The following MAPK8IP1 variants were observed in gnomAD, a reference collection of about 807,000 sequenced individuals.
The protein encoded by MAPK8IP1 is C-Jun-amino-terminal kinase-interacting protein 1.
Under a neutral mutation model 72.6 loss-of-function variants are expected in MAPK8IP1, and 17 were observed. The observed-to-expected ratio is 0.23, with a 90% CI of 0.16 to 0.35. The LOEUF is 0.35. MAPK8IP1 is among the 10% of genes least tolerant of loss of function. The probability of loss-of-function intolerance (pLI) is 1.00; values close to 1 mark genes in which losing one functional copy is unlikely to be tolerated. For missense variants in MAPK8IP1, 789 were observed against 1,009.7 expected (o/e 0.78, Z 2.96); for synonymous variants, 401 against 443.4 (o/e 0.90, Z 1.20).
At chr11:45,892,854 G>A (rs2086577354) in intron 1 of MAPK8IP1, among the ~76,000 whole-genome samples, 1 of 152,226 alleles carries the variant, frequency 6.6e-6, no homozygotes, top group Non-Finnish European at 1.5e-5. Context: ...TCATTACCTG[G>A]TGGAGAGTGG....
At chr11:45,889,968 G>A (rs1038006553) in intron 1 of MAPK8IP1, among the ~76,000 whole-genome samples, 3 of 152,204 alleles carry the variant, frequency 2.0e-5, no homozygotes, top group South Asian at 2.1e-4. Context: ...ACAGACAGAC[G>A]GCTTTACAGA....
rs201114008 is a variant in MAPK8IP1 at position 45,903,212 on chromosome 11, TG to T, written c.1417+35del. The T allele has an allele frequency of 1.9e-3, 2,522 of 1,334,466 alleles. 36 individuals are homozygous for T. In the African/African-American group the frequency reaches 0.032, roughly 17 times the overall value. The allele number at this position is 1,334,466 out of a possible 1,614,324, so 82.7% of individuals were successfully genotyped here. A position where few individuals can be genotyped will look rare whatever the true frequency, so the allele number is the denominator to read the frequency against. ...GAGTCAGCAAGGGGAAGCAGTGGGGTGGGGGGGTCCCTAGCGGGGGCAGAGC... is the reference window on the plus strand; with the variant it reads ...GAGTCAGCAAGGGGAAGCAGTGGGGTGGGGGGTCCCTAGCGGGGGCAGAGC... On this transcript the variant is annotated intron_variant, in intron 5 of 11. Transcript: ENST00000241014. This position sits in a 1 kb window ranked among gnomAD's most constrained non-coding sequence, Gnocchi z 6.4.
Position 45,900,055 on chromosome 11 carries a change from G to T in MAPK8IP1, c.208-83G>T, listed in dbSNP as rs1565073580. 3 of 903,408 alleles carry T rather than the reference G, an allele frequency of 3.3e-6. No homozygotes were observed. Among genetic ancestry groups the T allele is most frequent in the South Asian group, 1.1e-4 (2 of 18,270 alleles). The allele number at this position is 903,408 out of a possible 1,614,324, so 56.0% of individuals were successfully genotyped here. ...CGTGCCCCCTTCGCGCCACAGAATGGACTCGCCCGGGCGGGGGGCGGTGCA... is the reference window on the plus strand; with the variant it reads ...CGTGCCCCCTTCGCGCCACAGAATGTACTCGCCCGGGCGGGGGGCGGTGCA... On this transcript the variant is annotated intron_variant, in intron 2 of 11. Transcript: ENST00000241014. The surrounding 1 kb of genome is among the most constrained non-coding windows in gnomAD (Gnocchi z 6.5).
In MAPK8IP1 at chr11:45,903,460, TG is replaced by T. The variant is rs761216953; in HGVS notation, c.1493+23del. 6.2e-7 allele frequency: 1 copy of T among 1,604,096 alleles called. No homozygotes were observed. Among genetic ancestry groups the T allele is most frequent in the East Asian group, 2.2e-5 (1 of 44,548 alleles). ...ATTCAGGTGAGAGCCATGGGCTGGC[TG>T]GGCCTAGCCAGGCAGCAGTTTGGGC... On this transcript the variant is annotated intron_variant, in intron 6 of 11. Transcript: ENST00000241014. This position sits in a 1 kb window ranked among gnomAD's most constrained non-coding sequence, Gnocchi z 6.4.
In MAPK8IP1 at chr11:45,903,022, G is replaced by T. The variant is rs780805259; in HGVS notation, c.1255G>T (p.Val419Phe). Residue 419 changes from valine (V) to phenylalanine (F), a missense_variant, in exon 5 of 12, where the codon GTC becomes TTC. Physicochemically the swap from Val to Phe is conservative, Grantham distance 50 (BLOSUM62 -1). Coordinates refer to ENST00000241014, the MANE Select transcript of MAPK8IP1 (RefSeq NM_005456.4). The surrounding 1 kb of genome is among the most constrained non-coding windows in gnomAD (Gnocchi z 6.4). Reference sequence around the variant, plus strand: ...CACCGTCTATGACAACTGTGCCTCCGTCTCCTCGCCCTATGAGTCGGCCAT... The same window carrying T: ...CACCGTCTATGACAACTGTGCCTCCTTCTCCTCGCCCTATGAGTCGGCCAT... ...SATVYDNCAS[V>F]SSPYESAIGE... The T allele has an allele frequency of 5.0e-6, 8 of 1,611,594 alleles. No homozygotes were observed. The highest frequency in any genetic ancestry group is 6.8e-6 in the Non-Finnish European group (8 of 1,179,876).
Position 45,898,029 on chromosome 11 carries a change from G to T in MAPK8IP1, c.102-56G>T, listed in dbSNP as rs1264815105. On this transcript the variant is annotated intron_variant, in intron 1 of 11. Coordinates refer to ENST00000241014, the MANE Select transcript of MAPK8IP1 (RefSeq NM_005456.4). ...TGCACCCTGGAAGAGGTAACAGGGAGATGTGAGCAGGCATAGTGCCCCTGA... is the reference window on the plus strand; with the variant it reads ...TGCACCCTGGAAGAGGTAACAGGGATATGTGAGCAGGCATAGTGCCCCTGA... 3 of 1,036,062 alleles carry T rather than the reference G, an allele frequency of 2.9e-6. No individual in the cohort carries two copies. In the African/African-American group the frequency reaches 4.7e-5, roughly 16 times the overall value. The allele number at this position is 1,036,062 out of a possible 1,614,324, so 64.2% of individuals were successfully genotyped here.
chr11:45,896,452 C>A, intron 1 of MAPK8IP1: 1 of 879,394 alleles, frequency 1.1e-6, no homozygotes, highest in South Asian at 5.0e-5. Flanking sequence ...GGGAAACATC[C>A]TAGATTTCTG....
In MAPK8IP1 at chr11:45,902,883, C is replaced by A. The variant is rs756194695; in HGVS notation, c.1116C>A (p.Ser372Arg). The A allele has an allele frequency of 6.2e-6, 10 of 1,600,542 alleles. No individual in the cohort carries two copies. The highest frequency in any genetic ancestry group is 8.5e-6 in the Non-Finnish European group (10 of 1,174,038). ...GGGCCTCTCTGAGCTCGGACACCAG[C>A]GCCCTGTCCTATGACTCTGTCAAGT... ...PPRASLSSDT[S>R]ALSYDSVKYT... is the part of the protein sequence containing the mutation. The change falls in exon 5 of 12, where the codon AGC becomes AGA. Residue 372 changes from serine to arginine, a missense_variant. Coordinates refer to ENST00000241014, the MANE Select transcript of MAPK8IP1 (RefSeq NM_005456.4). This position sits in a 1 kb window ranked among gnomAD's most constrained non-coding sequence, Gnocchi z 9.3.
chr11:45,892,088 G>C (rs551747168), intron 1 of MAPK8IP1, among the ~76,000 whole-genome samples: 6 of 152,176 alleles, frequency 3.9e-5, no homozygotes, highest in African/African-American at 1.4e-4. Context: ...TTCAGTTTTC[G>C]TTGGAGATGA....
intron 1 of MAPK8IP1, among the ~76,000 whole-genome samples, chr11:45,897,149 T>C (rs1464333002): frequency 1.3e-5 from 2 of 152,094 alleles, no homozygotes; most frequent in East Asian, 1.9e-4. Context: ...CTTGGACTTA[T>C]TTGGGAAAAG....
In MAPK8IP1 at chr11:45,904,357, G is replaced by A. The variant is rs1441811489; in HGVS notation, c.1667-98G>A. The A allele has an allele frequency of 2.8e-5, 33 of 1,195,798 alleles. No homozygotes were observed. Among genetic ancestry groups the A allele is most frequent in the South Asian group, 1.1e-4 (9 of 78,582 alleles). The allele number at this position is 1,195,798 out of a possible 1,614,324, so 74.1% of individuals were successfully genotyped here. On this transcript the variant is annotated intron_variant, in intron 7 of 11. Transcript: ENST00000241014. This position sits in a 1 kb window ranked among gnomAD's most constrained non-coding sequence, Gnocchi z 6.4. ...CCAGGGATTGTGGCAGCCTCTGTGGGCTCTGCCATTCCCCGTGCCTCACCC... is the reference window on the plus strand; with the variant it reads ...CCAGGGATTGTGGCAGCCTCTGTGGACTCTGCCATTCCCCGTGCCTCACCC...
chr11:45,892,105 T>C (rs949900322), intron 1 of MAPK8IP1, among the ~76,000 whole-genome samples: 1 of 152,114 alleles, frequency 6.6e-6, no homozygotes, highest in Non-Finnish European at 1.5e-5. Flanking sequence ...ATGACCTCCG[T>C]ATGGAGGTGG....
At position 45,903,160 on chromosome 11, in the gene MAPK8IP1, A is replaced by G. The variant is rs2086670777; in HGVS notation, c.1393A>G (p.Met465Val). The change falls in exon 5 of 12, where the codon ATG becomes GTG. Residue 465 changes from methionine (M) to valine (V), a missense_variant. Transcript: ENST00000241014. This position sits in a 1 kb window ranked among gnomAD's most constrained non-coding sequence, Gnocchi z 6.4. ...HFSKKFLNVF[M>V]SGRSRSSSAE... is the part of the protein sequence containing the mutation. ...CTCCAAGAAATTCCTGAACGTCTTC[A>G]TGAGTGGCCGCTCCCGCTCCTCCAG... is the stretch of plus-strand genomic sequence containing the variant. 1 of 1,604,288 alleles carries G rather than the reference A, an allele frequency of 6.2e-7. No individual in the cohort carries two copies. The highest frequency in any genetic ancestry group is 1.3e-5 in the African/African-American group (1 of 74,746).
In MAPK8IP1 at chr11:45,900,472, G is replaced by A; in HGVS notation, c.522+20G>A. 1 of 1,530,536 alleles carries A rather than the reference G, an allele frequency of 6.5e-7. No homozygotes were observed. Among genetic ancestry groups the A allele is most frequent in the Non-Finnish European group, 8.7e-7 (1 of 1,144,696 alleles). 94.8% of individuals were successfully genotyped at this position (1,530,536 alleles called of 1,614,324 possible). Reference sequence around the variant, plus strand: ...TCTCAGGTGAGGCGCCAACGTGGGGGGCGGCGCCCTGGGCCGCCGCGGAGA... The same window carrying A: ...TCTCAGGTGAGGCGCCAACGTGGGGAGCGGCGCCCTGGGCCGCCGCGGAGA... On this transcript the variant is annotated intron_variant, in intron 3 of 11. Coordinates refer to ENST00000241014, the MANE Select transcript of MAPK8IP1 (RefSeq NM_005456.4). This position sits in a 1 kb window ranked among gnomAD's most constrained non-coding sequence, Gnocchi z 6.5.
At chr11:45,888,276 A>G (rs1309549600) in intron 1 of MAPK8IP1, among the ~76,000 whole-genome samples, 1 of 152,196 alleles carries the variant, frequency 6.6e-6, no homozygotes, top group Non-Finnish European at 1.5e-5. Context: ...ATAGTTACTC[A>G]ATAACAGTGG....
At chr11:45,901,825 T>G in intron 3 of MAPK8IP1, 155 bp from the exon 4 acceptor site, 1 of 766,860 alleles carries the variant, frequency 1.3e-6, no homozygotes, top group Non-Finnish European at 2.4e-6. Flanking sequence ...TCCTGCCTGC[T>G]CCAGAGGAGA....
In MAPK8IP1 at chr11:45,888,982, G is replaced by A. The variant is rs114915408; in HGVS notation, c.101+3061G>A. On this transcript the variant is annotated intron_variant, in intron 1 of 11. Coordinates refer to ENST00000241014, the MANE Select transcript of MAPK8IP1 (RefSeq NM_005456.4). ...CCCAAAGTGCTGGAATTACAGGCTC[G>A]AGCCACCACGCCCAGTGTCATACTT... Among the ~76,000 whole-genome samples the A allele has an allele frequency of 4.8e-3, 737 of 152,038 alleles. 6 individuals carry two copies. The highest frequency in any genetic ancestry group is 0.017 in the African/African-American group (713 of 41,432).
intron 1 of MAPK8IP1, chr11:45,896,474 C>A: frequency 3.0e-6 from 3 of 984,450 alleles, no homozygotes; most frequent in Non-Finnish European, 3.7e-6. Context: ...CATCTACTTA[C>A]AAGCCTGGGC....
In MAPK8IP1 at chr11:45,906,094, C is replaced by T. The variant is rs2086706651; in HGVS notation, c.*373C>T. 6 of 426,704 alleles carry T rather than the reference C, an allele frequency of 1.4e-5. No homozygotes were observed. Among genetic ancestry groups the T allele is most frequent in the South Asian group, 5.3e-5 (2 of 37,608 alleles). 26.4% of individuals were successfully genotyped at this position (426,704 alleles called of 1,614,324 possible). On this transcript the variant is annotated 3_prime_UTR_variant, in exon 12 of 12. Coordinates refer to ENST00000241014, the MANE Select transcript of MAPK8IP1 (RefSeq NM_005456.4). Reference sequence around the variant, plus strand: ...CTGTGGCTCCTGCCTTGATGAAGCCCGTGTCCTGCCTTGATGAAGCCTGTG... The same window carrying T: ...CTGTGGCTCCTGCCTTGATGAAGCCTGTGTCCTGCCTTGATGAAGCCTGTG...
Sources: allele counts gnomAD v4.1 joint callset (sites outside exome capture counted in the v4.1 genomes callset), GRCh38; gene constraint gnomAD v4.1.1; non-coding constraint Gnocchi (gnomAD v3.1); transcripts MANE v1.5; gene names NCBI Gene and HGNC (gene_info 2026-07-23, HGNC 2026-07-21).